Variants in TOPAZ1 observed in about 807,000 individuals in gnomAD.
TOPAZ1 encodes the protein protein TOPAZ1.
Under a neutral mutation model 172.2 loss-of-function variants are expected in TOPAZ1, and 66 were observed. The ratio of observed to expected loss-of-function variants is 0.38; its 90% CI spans 0.31 to 0.47. TOPAZ1 has a LOEUF of 0.47. Ranked by LOEUF, TOPAZ1 falls within the 20% of genes least tolerant of loss-of-function variation. The probability of loss-of-function intolerance (pLI) is 0.99; values close to 1 mark genes in which losing one functional copy is unlikely to be tolerated. For synonymous variants in TOPAZ1, 681 were observed against 683.9 expected (o/e 1.00, Z 0.07); for missense variants, 1,822 against 1,972.4 (o/e 0.92, Z 1.44).
At chr3:44,281,601 T>C (rs897445562) in intron 8 of TOPAZ1, among the ~76,000 whole-genome samples, 10 of 152,180 alleles carry the variant, frequency 6.6e-5, no homozygotes, top group Non-Finnish European at 1.3e-4. Flanking sequence ...CCCATGTGGA[T>C]CTTCAGGTGA....
chr3:44,287,464 TA>T lies in TOPAZ1; in HGVS notation c.3515del (p.Asn1172IlefsTer9). 6.5e-7 allele frequency: 1 copy of T among 1,531,502 alleles called. No individual in the cohort carries two copies. Among genetic ancestry groups the T allele is most frequent in the South Asian group, 1.3e-5 (1 of 79,654 alleles). 94.9% of individuals were successfully genotyped at this position (1,531,502 alleles called of 1,614,324 possible). ...YFDLQVLNDL[L>X]NSLLKHCLLK... ...GATTTACAAGTGCTAAATGACCTTC[TA>T]AATTCTTTACTCAAACATTGTTTGT... On this transcript the variant is annotated frameshift_variant, in exon 10 of 20. Transcript: ENST00000309765. LOFTEE classifies it high-confidence loss of function.
intron 5 of TOPAZ1, among the ~76,000 whole-genome samples, chr3:44,265,640 A>G (rs890006163): frequency 6.6e-6 from 1 of 152,250 alleles, no homozygotes; most frequent in African/African-American, 2.4e-5. Context: ...TACATTGTCA[A>G]TGAGCAGTGG....
intron 7 of TOPAZ1, among the ~76,000 whole-genome samples, 158 bp from the exon 8 acceptor site, chr3:44,270,527 A>G (rs1559532376): frequency 6.6e-6 from 1 of 152,228 alleles, no homozygotes; most frequent in African/African-American, 2.4e-5. Flanking sequence ...GAAAATATAA[A>G]TTGTTTGAAG....
At chr3:44,256,127 T>C (rs1026294621) in intron 3 of TOPAZ1, 24 bp from the exon 4 acceptor site, 3 of 1,469,088 alleles carry the variant, frequency 2.0e-6, no homozygotes, top group Non-Finnish European at 2.7e-6. Context: ...AAAGTTTCTA[T>C]AGTTGAATAT....
At chr3:44,290,930 G>C in intron 12 of TOPAZ1, 44 bp downstream of exon 12, 2 of 1,266,520 alleles carry the variant, frequency 1.6e-6, no homozygotes, top group Non-Finnish European at 2.2e-6. Context: ...TATGTGTCTT[G>C]GTGGGGACTT....
chr3:44,270,927 G>A, intron 8 of TOPAZ1, 117 bp downstream of exon 8: 1 of 922,438 alleles, frequency 1.1e-6, no homozygotes, highest in South Asian at 2.9e-5. Context: ...GCCTGCTTTT[G>A]TTCTTTATAT....
chr3:44,303,742 T>A (rs574802521), intron 12 of TOPAZ1, among the ~76,000 whole-genome samples: 33 of 152,270 alleles, frequency 2.2e-4, no homozygotes, highest in African/African-American at 7.5e-4. Context: ...ACAGTTATTT[T>A]TGAAGTTTTG....
At chr3:44,305,045 A>T in intron 13 of TOPAZ1, 102 bp from the exon 14 acceptor site, 2 of 793,690 alleles carry the variant, frequency 2.5e-6, no homozygotes, top group Non-Finnish European at 3.9e-6. Context: ...TAATTTATGT[A>T]TATCTAATGC....
At chr3:44,253,373 GC>G (rs1699657852) in intron 2 of TOPAZ1, among the ~76,000 whole-genome samples, 1 of 152,204 alleles carries the variant, frequency 6.6e-6, no homozygotes, top group African/African-American at 2.4e-5. Flanking sequence ...CTGGCAGGGA[GC>G]TATTGTAATA....
intron 12 of TOPAZ1, among the ~76,000 whole-genome samples, chr3:44,300,850 TG>T (rs375562123): frequency 7.0e-4 from 94 of 133,610 alleles, no homozygotes; most frequent in African/African-American, 1.9e-3. Flanking sequence ...AACCAGAAAC[TG>T]GAAAAAAAAA....
At chr3:44,317,089 A>G (rs1700458785) in intron 16 of TOPAZ1, among the ~76,000 whole-genome samples, 1 of 152,196 alleles carries the variant, frequency 6.6e-6, no homozygotes, top group Non-Finnish European at 1.5e-5. Context: ...ATCAGGTTTT[A>G]ATACAGTTCT....
chr3:44,303,621 C>G (rs1222333167), intron 12 of TOPAZ1, among the ~76,000 whole-genome samples: 2 of 151,236 alleles, frequency 1.3e-5, no homozygotes, highest in African/African-American at 4.9e-5. Flanking sequence ...TTTACTTGCT[C>G]TGTTTTTGTT....
chr3:44,304,833 G>A (rs951383032), intron 13 of TOPAZ1, among the ~76,000 whole-genome samples: 1 of 152,138 alleles, frequency 6.6e-6, no homozygotes, highest in African/African-American at 2.4e-5. Context: ...CATGTTTTCC[G>A]TAAAATCCAT....
chr3:44,266,265 A>G (rs1699829155), intron 5 of TOPAZ1, among the ~76,000 whole-genome samples: 1 of 152,208 alleles, frequency 6.6e-6, no homozygotes, highest in South Asian at 2.1e-4. Context: ...AGATCACTCA[A>G]ACTTTTTCCA....
intron 4 of TOPAZ1, among the ~76,000 whole-genome samples, chr3:44,259,810 C>T (rs1186238651): frequency 1.3e-5 from 2 of 152,104 alleles, no homozygotes; most frequent in African/African-American, 2.4e-5. Flanking sequence ...ATGCATTTCT[C>T]TTATGAGTCT....
At chr3:44,284,857 A>G (rs1379918372) in intron 9 of TOPAZ1, among the ~76,000 whole-genome samples, 1 of 152,216 alleles carries the variant, frequency 6.6e-6, no homozygotes, top group Non-Finnish European at 1.5e-5. Flanking sequence ...GTTTAAAGTA[A>G]TCAAAGGGAG....
At chr3:44,252,423 G>A (rs921514030) in intron 2 of TOPAZ1, among the ~76,000 whole-genome samples, 3 of 152,212 alleles carry the variant, frequency 2.0e-5, no homozygotes, top group Non-Finnish European at 2.9e-5. Context: ...GCCAGTAACC[G>A]TTGAGAGTGT....
intron 11 of TOPAZ1, among the ~76,000 whole-genome samples, chr3:44,288,320 ATG>A (rs1700101039): frequency 6.6e-6 from 1 of 152,054 alleles, no homozygotes; most frequent in South Asian, 2.1e-4. Flanking sequence ...AAGAACAGAT[ATG>A]TGAGTGAATA....
chr3:44,298,651 A>G (rs1700226386), intron 12 of TOPAZ1, among the ~76,000 whole-genome samples: 2 of 151,518 alleles, frequency 1.3e-5, no homozygotes, highest in South Asian at 2.1e-4. Flanking sequence ...TACAAAAGCA[A>G]TTTTATGGAA....
Sources: allele counts gnomAD v4.1 joint callset (sites outside exome capture counted in the v4.1 genomes callset), GRCh38; gene constraint gnomAD v4.1.1; transcripts MANE v1.5; gene names NCBI Gene and HGNC (gene_info 2026-07-23, HGNC 2026-07-21).